Variants in ROBO2 observed in about 807,000 individuals in gnomAD.
The protein encoded by ROBO2 is roundabout guidance receptor 2.
ROBO2 carries 53 observed loss-of-function variants against 160.8 expected under a neutral mutation model. The ratio of observed to expected loss-of-function variants is 0.33; its 90% CI spans 0.26 to 0.41. The LOEUF is 0.41. ROBO2 is among the 10% of genes least tolerant of loss of function. ROBO2 has a pLI of 1.00. For missense variants in ROBO2, 1,577 were observed against 1,722.4 expected (o/e 0.92, Z 1.49); for synonymous variants, 664 against 611.7 (o/e 1.09, Z -1.26).
intron 2 of ROBO2, among the ~76,000 whole-genome samples, chr3:76,008,566 C>T (rs1163284908): frequency 6.6e-6 from 1 of 152,162 alleles, no homozygotes; most frequent in Non-Finnish European, 1.5e-5. Context: ...ATTTGGAGCA[C>T]CAAACTTGCC....
At chr3:77,410,489 TTCCTCC>T (rs1178958922) in intron 2 of ROBO2, among the ~76,000 whole-genome samples, 54 of 146,052 alleles carry the variant, frequency 3.7e-4, no homozygotes, top group Non-Finnish European at 1.4e-4. Flanking sequence ...TCCCTCTTCT[TTCCTCC>T]TCCTCCTCTT....
intron 1 of ROBO2, among the ~76,000 whole-genome samples, chr3:77,093,494 A>G (rs73843472): frequency 0.025 from 3,823 of 152,228 alleles, 154 homozygotes; most frequent in African/African-American, 0.087. Context: ...TAAAGGCCCA[A>G]CATCTTTGGG....
At chr3:75,989,317 C>T (rs557724232) in intron 2 of ROBO2, among the ~76,000 whole-genome samples, 4 of 152,064 alleles carry the variant, frequency 2.6e-5, no homozygotes, top group East Asian at 1.9e-4. Flanking sequence ...GAAGTTTCAC[C>T]GTGTTGGCCA....
rs1349438339 is a variant in ROBO2, at chr3:76,272,889, TAA to T, written c.109+335291_109+335292del. 9.4e-5 allele frequency among the ~76,000 whole-genome samples: 6 copies of T among 63,640 alleles called. 1 individual carries two copies. The highest frequency in any genetic ancestry group is 4.1e-4 in the African/African-American group (6 of 14,608). The allele number at this position is 63,640 out of a possible 152,430, so 41.8% of individuals were successfully genotyped here. On this transcript the variant is annotated intron_variant, in intron 2 of 26. Coordinates refer to the ROBO2 transcript ENST00000487694. The stretch of plus-strand genomic sequence containing the variant: ...AAAATATATAATATATATTTATATA[TAA>T]AAATATAATATATATTTATATATAA...
At chr3:77,620,265 C>T (rs1404077865) in intron 22 of ROBO2, among the ~76,000 whole-genome samples, 1 of 151,984 alleles carries the variant, frequency 6.6e-6, no homozygotes, top group Admixed American at 6.6e-5. Flanking sequence ...ATAATAATTC[C>T]CAGGCTCCAC....
At chr3:76,428,690 A>G (rs1404765379) in intron 2 of ROBO2, among the ~76,000 whole-genome samples, 1 of 152,182 alleles carries the variant, frequency 6.6e-6, no homozygotes, top group Non-Finnish European at 1.5e-5. Flanking sequence ...AAGTTTATAT[A>G]TTAGATTTGG....
chr3:76,329,582 A>T (rs1217084931), intron 2 of ROBO2, among the ~76,000 whole-genome samples: 1 of 152,204 alleles, frequency 6.6e-6, no homozygotes, highest in Non-Finnish European at 1.5e-5. Flanking sequence ...AGTAGCTGTA[A>T]GTTAGTTATC....
At chr3:77,101,362 G>A (rs2071901741) in intron 2 of ROBO2, among the ~76,000 whole-genome samples, 1 of 152,138 alleles carries the variant, frequency 6.6e-6, no homozygotes, top group Admixed American at 6.5e-5. Context: ...GAGGTGAGGG[G>A]CAGGTACAGG....
intron 2 of ROBO2, among the ~76,000 whole-genome samples, chr3:76,227,849 A>ATC (rs1704383143): frequency 6.6e-6 from 1 of 152,168 alleles, no homozygotes; most frequent in Non-Finnish European, 1.5e-5. Context: ...CAATCTTTTG[A>ATC]ACACACACAT....
At chr3:76,867,993 C>T (rs1293365735) in intron 2 of ROBO2, among the ~76,000 whole-genome samples, 1 of 152,298 alleles carries the variant, frequency 6.6e-6, no homozygotes, top group South Asian at 2.1e-4. Context: ...GCATTGTTCT[C>T]TCCCCTCGAG....
intron 2 of ROBO2, among the ~76,000 whole-genome samples, chr3:76,647,048 G>C (rs1198998313): frequency 6.6e-6 from 1 of 152,124 alleles, no homozygotes; most frequent in African/African-American, 2.4e-5. Flanking sequence ...TAGAGACTCT[G>C]ACCTTGAAAA....
intron 2 of ROBO2, among the ~76,000 whole-genome samples, chr3:76,112,233 GTTTTGACTA>G (rs1278532917): frequency 6.6e-6 from 1 of 151,876 alleles, no homozygotes; most frequent in Non-Finnish European, 1.5e-5. Flanking sequence ...GGAGAAAAAT[GTTTTGACTA>G]TTCTATATCT....
At chr3:76,299,153 T>TA (rs1262477506) in intron 2 of ROBO2, among the ~76,000 whole-genome samples, 1 of 152,046 alleles carries the variant, frequency 6.6e-6, no homozygotes, top group Non-Finnish European at 1.5e-5. Context: ...GGGAAATAAG[T>TA]AAAAAACACA....
intron 1 of ROBO2, among the ~76,000 whole-genome samples, chr3:77,094,936 A>G (rs1366741441): frequency 6.6e-6 from 1 of 152,120 alleles, no homozygotes; most frequent in Non-Finnish European, 1.5e-5. Context: ...CTAGATACAA[A>G]TCCATTATTG....
chr3:76,421,691 A>G (rs1041574827), intron 2 of ROBO2, among the ~76,000 whole-genome samples: 13 of 151,520 alleles, frequency 8.6e-5, no homozygotes, highest in Non-Finnish European at 1.8e-4. Flanking sequence ...GTGCCATTAC[A>G]CTTCAGTCTG....
intron 2 of ROBO2, among the ~76,000 whole-genome samples, chr3:77,354,210 A>AGTTGTTG (rs1434815232): frequency 1.3e-5 from 2 of 152,188 alleles, no homozygotes; most frequent in Non-Finnish European, 2.9e-5. Context: ...CTGAACAAGT[A>AGTTGTTG]GTTGTTGGTC....
intron 2 of ROBO2, among the ~76,000 whole-genome samples, chr3:76,304,119 C>T (rs993774607): frequency 6.6e-6 from 1 of 152,124 alleles, no homozygotes; most frequent in Admixed American, 6.5e-5. Context: ...TGACCTGGTA[C>T]TTATGTAACT....
At chr3:77,481,611 A>G (rs1425663716) in intron 4 of ROBO2, among the ~76,000 whole-genome samples, 1 of 152,216 alleles carries the variant, frequency 6.6e-6, no homozygotes, top group Non-Finnish European at 1.5e-5. Flanking sequence ...TAGTATAAAA[A>G]AACTTGTTTT....
intron 2 of ROBO2, among the ~76,000 whole-genome samples, chr3:76,509,851 AC>A (rs1258619433): frequency 6.6e-6 from 1 of 152,148 alleles, no homozygotes; most frequent in Non-Finnish European, 1.5e-5. Flanking sequence ...AAAATCTGAA[AC>A]TTTTTGAGTG....
Sources: gnomAD v4.1 joint callset for allele counts (sites outside exome capture counted in the v4.1 genomes callset) on GRCh38, gnomAD v4.1.1 for gene constraint, MANE v1.5 for transcripts, NCBI Gene and HGNC (gene_info 2026-07-23, HGNC 2026-07-21) for gene names.